The following HIPK1 variants were observed in gnomAD, a reference collection of about 807,000 sequenced individuals.
The protein encoded by HIPK1 is homeodomain interacting protein kinase 1, also known as homeodomain-interacting protein kinase 1.
In HIPK1, 28 loss-of-function variants were observed where a neutral mutation model predicts 117.1. That is an observed-to-expected ratio of 0.24 (90% CI 0.18 to 0.33). HIPK1 has a LOEUF of 0.33. HIPK1 is among the 10% of genes least tolerant of loss of function. The probability of loss-of-function intolerance (pLI) is 1.00; values close to 1 mark genes in which losing one functional copy is unlikely to be tolerated. For synonymous variants in HIPK1, 605 were observed against 562.5 expected (o/e 1.08, Z -1.07); for missense variants, 1,122 against 1,475.1 (o/e 0.76, Z 3.92).
At chr1:113,960,858 C>T (rs1285096106) in intron 8 of HIPK1, among the ~76,000 whole-genome samples, 1 of 152,124 alleles carries the variant, frequency 6.6e-6, no homozygotes, top group African/African-American at 2.4e-5. Flanking sequence ...TTAAATTACT[C>T]ATAAATTACT....
chr1:113,930,034 C>T (rs1669748361), intron 1 of HIPK1: 2 of 984,672 alleles, frequency 2.0e-6, no homozygotes, highest in Non-Finnish European at 2.4e-6. Flanking sequence ...TCTCCTGGAG[C>T]GCCCAGCCTG....
At chr1:113,956,865 G>A (rs1427020391) in intron 6 of HIPK1, 54 bp downstream of exon 6, 45 of 1,516,990 alleles carry the variant, frequency 3.0e-5, no homozygotes, top group Admixed American at 1.2e-4. Flanking sequence ...TTGAGTTACC[G>A]CCTTATCAAT....
chr1:113,940,297 AGTGTGTGT>A, intron 1 of HIPK1, 77 bp from the exon 2 acceptor site: 1 of 1,169,698 alleles, frequency 8.5e-7, no homozygotes, highest in African/African-American at 1.5e-5. Flanking sequence ...ATCAAGTAAA[AGTGTGTGT>A]GTGTGTTTGT....
intron 7 of HIPK1, 144 bp from the exon 8 acceptor site, chr1:113,957,922 C>T: frequency 3.3e-6 from 2 of 612,190 alleles, no homozygotes; most frequent in East Asian, 3.0e-5. Flanking sequence ...AGGGAAGTTT[C>T]TTAAGCAGAG....
At position 113,958,220 on chromosome 1, in the gene HIPK1, G is replaced by A; in HGVS notation, c.1910G>A (p.Gly637Glu). The A allele has an allele frequency of 6.2e-7, 1 of 1,614,044 alleles. No homozygotes were observed. The highest frequency in any genetic ancestry group is 1.1e-5 in the South Asian group (1 of 91,078). Residue 637 changes from glycine to glutamate, a missense_variant, in exon 8 of 16, where the codon GGA (glycine) becomes GAA (glutamate). By Grantham distance (98) the Gly-to-Glu change is moderately conservative. Transcript: ENST00000426820. The stretch of plus-strand genomic sequence containing the variant: ...CAGCAGGGTGTTTCCTTGCAGCCTG[G>A]AACCACCCAGATTTGCACTCAGACA... ...VAQQGVSLQPGTTQICTQTDP... is the reference protein window; with the variant it reads ...VAQQGVSLQPETTQICTQTDP...
At chr1:113,957,358 AAGAACCAAT>A in intron 7 of HIPK1, 72 bp downstream of exon 7, 1 of 1,263,808 alleles carries the variant, frequency 7.9e-7, no homozygotes, top group Non-Finnish European at 1.1e-6. Flanking sequence ...GGGCAAGGTA[AAGAACCAAT>A]TTTTGTTTTG....
At position 113,941,955 on chromosome 1, in the gene HIPK1, G is replaced by C. The variant is rs1374040199; in HGVS notation, c.1076+496G>C. Among the ~76,000 whole-genome samples the C allele has an allele frequency of 6.6e-6, 1 of 151,476 alleles. No homozygotes were observed. Among genetic ancestry groups the C allele is most frequent in the Non-Finnish European group, 1.5e-5 (1 of 67,940 alleles). On this transcript the variant is annotated intron_variant, in intron 2 of 15. Coordinates refer to ENST00000426820, the MANE Select transcript of HIPK1 (RefSeq NM_198268.3). This position sits in a 1 kb window ranked among gnomAD's most constrained non-coding sequence, Gnocchi z 4.9. ...TTTTTGTATTTTTAGTAGAGACGGG[G>C]TTTCACCGTGTTAGCCAGGATGGTC...
In HIPK1 at chr1:113,940,372, C is replaced by G. The variant is rs1317353337; in HGVS notation, c.-2-10C>G. 21 of 1,559,208 alleles carry G rather than the reference C, an allele frequency of 1.3e-5. No individual in the cohort carries two copies. The highest frequency in any genetic ancestry group is 1.7e-5 in the Non-Finnish European group (20 of 1,154,184). On this transcript the variant is annotated splice_polypyrimidine_tract_variant and intron_variant, in intron 1 of 15. Coordinates refer to ENST00000426820, the MANE Select transcript of HIPK1 (RefSeq NM_198268.3). Reference sequence around the variant, plus strand: ...CCTTGTGGTCTAATTCTTCCTTTCTCTCAATATAGGTATGGCATCACAGCT... The same window carrying G: ...CCTTGTGGTCTAATTCTTCCTTTCTGTCAATATAGGTATGGCATCACAGCT...
intron 2 of HIPK1, among the ~76,000 whole-genome samples, chr1:113,944,987 A>G (rs1443818517): frequency 1.3e-5 from 2 of 152,078 alleles, no homozygotes; most frequent in Non-Finnish European, 2.9e-5. Context: ...ACCTGAGACT[A>G]CGGGCATGCA....
chr1:113,966,458 G>C (rs1346361883), intron 11 of HIPK1, among the ~76,000 whole-genome samples, 186 bp downstream of exon 11: 1 of 152,198 alleles, frequency 6.6e-6, no homozygotes, highest in Non-Finnish European at 1.5e-5. Flanking sequence ...GAAAGCAGTA[G>C]GTTCTGAAGG....
Position 113,956,777 on chromosome 1 carries a change from A to G in HIPK1, c.1558A>G (p.Met520Val), listed in dbSNP as rs754970413. The G allele has an allele frequency of 1.2e-6, 2 of 1,614,122 alleles. No individual in the cohort carries two copies. The highest frequency in any genetic ancestry group is 2.2e-5 in the South Asian group (2 of 91,066). ...AACTCTTAACCATCAGTTTGTGACAATGACTCACCTTTTGGATTTTCCACA... is the reference window on the plus strand; with the variant it reads ...AACTCTTAACCATCAGTTTGTGACAGTGACTCACCTTTTGGATTTTCCACA... ...LKTLNHQFVT[M>V]THLLDFPHSN... Residue 520 changes from methionine (M) to valine (V), a missense_variant, in exon 6 of 16, where the codon ATG becomes GTG. This residue lies in a region of HIPK1 where 731 missense variants were observed against 860.4 expected (regional missense o/e 0.85). Transcript: ENST00000426820.
At chr1:113,936,859 A>G (rs561584079) in intron 1 of HIPK1, among the ~76,000 whole-genome samples, 5 of 152,360 alleles carry the variant, frequency 3.3e-5, no homozygotes, top group South Asian at 4.1e-4. Flanking sequence ...TTCAAGTTAC[A>G]TAAAAGTTGT....
At chr1:113,931,058 T>G (rs1349546758) in intron 1 of HIPK1, among the ~76,000 whole-genome samples, 4 of 152,162 alleles carry the variant, frequency 2.6e-5, no homozygotes, top group African/African-American at 9.7e-5. Context: ...AACAGCAGTG[T>G]GGCTTCCCGC....
Position 113,974,961 on chromosome 1 carries a change from G to A in HIPK1, c.*1449G>A, listed in dbSNP as rs1673060868. 1 of 152,752 alleles carries A rather than the reference G, an allele frequency of 6.5e-6. No individual in the cohort carries two copies. The highest frequency in any genetic ancestry group is 2.1e-4 in the South Asian group (1 of 4,834). The allele number at this position is 152,752 out of a possible 1,614,324, so 9.5% of individuals were successfully genotyped here. On this transcript the variant is annotated 3_prime_UTR_variant, in exon 16 of 16. Transcript: ENST00000426820. ...AACCAAAATGAACTGATACTTGTTG[G>A]AATGTATGTGAACTAATTGCAATTA...
chr1:113,962,633 A>G (rs1230203873), intron 9 of HIPK1, among the ~76,000 whole-genome samples, 195 bp downstream of exon 9: 1 of 152,244 alleles, frequency 6.6e-6, no homozygotes, highest in Non-Finnish European at 1.5e-5. Context: ...TGTCTTCCTT[A>G]GACTTGCAGG....
At chr1:113,948,715 A>C (rs973214257) in intron 2 of HIPK1, among the ~76,000 whole-genome samples, 1 of 151,780 alleles carries the variant, frequency 6.6e-6, no homozygotes, top group Non-Finnish European at 1.5e-5. Flanking sequence ...CAAATGAAAA[A>C]ACTTTCAGCT....
rs1164258632 is a variant in HIPK1, at chr1:113,973,258, A to G, written c.3379A>G (p.Ser1127Gly). 10 of 1,614,116 alleles carry G rather than the reference A, an allele frequency of 6.2e-6. No homozygotes were observed. In the South Asian group the frequency reaches 1.1e-4, roughly 18 times the overall value. The change falls in exon 16 of 16, where the codon AGC becomes GGC. Residue 1127 changes from serine to glycine, a missense_variant. This residue lies in a region of HIPK1 where 731 missense variants were observed against 860.4 expected (regional missense o/e 0.85). Coordinates refer to ENST00000426820, the MANE Select transcript of HIPK1 (RefSeq NM_198268.3). The stretch of plus-strand genomic sequence containing the variant: ...TTCTGCTGCTGCACTGGGCTCAACC[A>G]GCTCCATTGCTCATCTTTTCTCCCC... ...PTSAAALGST[S>G]SIAHLFSPQG...
Position 113,970,157 on chromosome 1 carries a change from A to T in HIPK1, c.2973A>T (p.Lys991Asn), listed in dbSNP as rs146312493. Residue 991 changes from lysine (K) to asparagine (N), a missense_variant, in exon 14 of 16, where the codon AAA becomes AAT. By Grantham distance (94) the Lys-to-Asn change is moderately conservative. Around this residue, in one of 6 missense-constraint regions of HIPK1, gnomAD observed 731 missense variants for 860.4 expected, o/e 0.85. Coordinates refer to ENST00000426820, the MANE Select transcript of HIPK1 (RefSeq NM_198268.3). ...GTRTIIVPPLKTQLGDCTVAT... is the reference protein window; with the variant it reads ...GTRTIIVPPLNTQLGDCTVAT... ...GCACTATCATTGTGCCTCCACTGAAAACTCAGCTTGGTGACTGCACTGTAG... is the reference window on the plus strand; with the variant it reads ...GCACTATCATTGTGCCTCCACTGAATACTCAGCTTGGTGACTGCACTGTAG... 79 of 1,614,022 alleles carry T rather than the reference A, an allele frequency of 4.9e-5. No homozygotes were observed. Among genetic ancestry groups the T allele is most frequent in the Non-Finnish European group, 6.4e-5 (76 of 1,180,016 alleles).
chr1:113,968,988 C>A (rs1247283589), intron 13 of HIPK1, among the ~76,000 whole-genome samples: 1 of 152,186 alleles, frequency 6.6e-6, no homozygotes, highest in Non-Finnish European at 1.5e-5. Context: ...CCACTGTACT[C>A]CAGCCTGAGT....
Sources: allele counts gnomAD v4.1 joint callset (sites outside exome capture counted in the v4.1 genomes callset), GRCh38; gene constraint gnomAD v4.1.1; regional missense constraint gnomAD v4.1.1; non-coding constraint Gnocchi (gnomAD v3.1); transcripts MANE v1.5; gene names NCBI Gene and HGNC (gene_info 2026-07-23, HGNC 2026-07-21).